RELN: variants seen among roughly 807,000 people sequenced by gnomAD.
RELN encodes reelin.
RELN carries 108 observed loss-of-function variants against 427.6 expected under a neutral mutation model. The ratio of observed to expected loss-of-function variants is 0.25; its 90% CI spans 0.22 to 0.30. The LOEUF (loss-of-function observed/expected upper bound fraction) is 0.30, where lower values mean the gene tolerates loss of function less well. Among genes scored for constraint, RELN ranks in the 10% least tolerant of loss-of-function variants. The pLI, the probability that RELN is intolerant of heterozygous loss-of-function variation, is 1.00. For synonymous variants in RELN, 1,524 were observed against 1,513.4 expected (o/e 1.01, Z -0.16); for missense variants, 3,715 against 4,302.8 (o/e 0.86, Z 3.82).
chr7:103,905,336 T>C (rs1795177233), intron 2 of RELN, among the ~76,000 whole-genome samples: 1 of 152,180 alleles, frequency 6.6e-6, no homozygotes, highest in Non-Finnish European at 1.5e-5. Context: ...CAAATATTAG[T>C]GTCTGCCACC....
chr7:103,843,278 C>T (rs905101400), intron 2 of RELN, among the ~76,000 whole-genome samples: 1 of 151,978 alleles, frequency 6.6e-6, no homozygotes, highest in African/African-American at 2.4e-5. Context: ...GATCACAGCT[C>T]ACTGCAGCCT....
chr7:103,605,603 G>T (rs943397275), intron 22 of RELN, among the ~76,000 whole-genome samples: 3 of 152,146 alleles, frequency 2.0e-5, no homozygotes, highest in African/African-American at 7.2e-5. Flanking sequence ...TTTGGTCAAA[G>T]GGCTAAATGA....
At chr7:103,617,576 A>G (rs900470976) in intron 20 of RELN, among the ~76,000 whole-genome samples, 2 of 150,442 alleles carry the variant, frequency 1.3e-5, no homozygotes, top group African/African-American at 5.0e-5. Context: ...ATGTGTGTAT[A>G]TATATTCCTT....
At position 103,626,961 on chromosome 7, in the gene RELN, G is replaced by A. The variant is rs1832342125; in HGVS notation, c.2702+2979C>T. The stretch of plus-strand genomic sequence containing the variant: ...TCTCCACTGGAAAAAAGTGCTCTAG[G>A]ATGACATACTGGAAAGTGATTTGTA... On this transcript the variant is annotated intron_variant, in intron 20 of 64. Coordinates refer to ENST00000428762, the MANE Select transcript of RELN (RefSeq NM_005045.4). This position sits in a 1 kb window ranked among gnomAD's most constrained non-coding sequence, Gnocchi z 4.4. Among the ~76,000 whole-genome samples the A allele has an allele frequency of 6.6e-6, 1 of 152,000 alleles. No individual in the cohort carries two copies. Among genetic ancestry groups the A allele is most frequent in the Non-Finnish European group, 1.5e-5 (1 of 67,942 alleles).
chr7:103,915,467 G>T (rs2299403), intron 2 of RELN, among the ~76,000 whole-genome samples: 35,580 of 151,954 alleles, frequency 0.23, 4,836 homozygotes, highest in African/African-American at 0.37. Flanking sequence ...CTGGAGTGTT[G>T]ATTTCAAAAA....
intron 1 of RELN, among the ~76,000 whole-genome samples, chr7:103,963,649 T>C (rs1182013340): frequency 2.0e-5 from 3 of 152,210 alleles, no homozygotes; most frequent in African/African-American, 7.2e-5. Context: ...ATTTGTTATA[T>C]CTGCATAGCA....
At chr7:103,731,179 G>C (rs1790344417) in intron 6 of RELN, among the ~76,000 whole-genome samples, 1 of 152,134 alleles carries the variant, frequency 6.6e-6, no homozygotes, top group African/African-American at 2.4e-5. Flanking sequence ...GGGGAAGTAA[G>C]AGAAAGCCTT....
chr7:103,749,649 C>A, intron 5 of RELN, 145 bp from the exon 6 acceptor site: 1 of 680,030 alleles, frequency 1.5e-6, no homozygotes. Context: ...TTTGCTTTGT[C>A]CCTCAAACTA....
At chr7:103,982,115 G>C (rs1377416775) in intron 1 of RELN, among the ~76,000 whole-genome samples, 1 of 152,014 alleles carries the variant, frequency 6.6e-6, no homozygotes, top group African/African-American at 2.4e-5. Context: ...ACAGTGAGCC[G>C]AAAAGGTGTC....
chr7:103,889,446 G>A (rs1293472366), intron 2 of RELN, among the ~76,000 whole-genome samples: 5 of 152,176 alleles, frequency 3.3e-5, no homozygotes, highest in African/African-American at 9.6e-5. Flanking sequence ...CATAACTCAC[G>A]GAAAGTGTGA....
chr7:103,493,371 G>A lies in RELN; in HGVS notation c.9370-1345C>T, dbSNP rs572136488. 2.2e-4 allele frequency among the ~76,000 whole-genome samples: 34 copies of A among 152,300 alleles called. 1 individual carries two copies. Among genetic ancestry groups the A allele is most frequent in the Admixed American group, 1.4e-3 (21 of 15,302 alleles). ...TTACTAGGTGATTGGTGGTGCCATC[G>A]ACAGAAACAGGAAAATCAGAGGAGT... On this transcript the variant is annotated intron_variant, in intron 57 of 64. Coordinates refer to ENST00000428762, the MANE Select transcript of RELN (RefSeq NM_005045.4).
chr7:103,937,579 T>C (rs1294358792), intron 1 of RELN, among the ~76,000 whole-genome samples: 1 of 152,218 alleles, frequency 6.6e-6, no homozygotes, highest in East Asian at 1.9e-4. Flanking sequence ...GAAACATTTA[T>C]GAAATGATGG....
chr7:103,572,414 A>G (rs1435997984), intron 30 of RELN, among the ~76,000 whole-genome samples, 154 bp from the exon 31 acceptor site: 1 of 152,252 alleles, frequency 6.6e-6, no homozygotes, highest in Non-Finnish European at 1.5e-5. Context: ...TACATAAATT[A>G]TAGTAAGTTA....
At chr7:103,637,752 A>C (rs55781035) in intron 17 of RELN, among the ~76,000 whole-genome samples, 322 of 152,048 alleles carry the variant, frequency 2.1e-3, no homozygotes, top group African/African-American at 7.3e-3. Context: ...GTTGTTTCCA[A>C]AAAAGAATTT....
chr7:103,804,769 C>A (rs2116321878), intron 3 of RELN, among the ~76,000 whole-genome samples: 1 of 152,134 alleles, frequency 6.6e-6, no homozygotes, highest in East Asian at 1.9e-4. Flanking sequence ...ATATTAGTTG[C>A]AAAAATAGGT....
chr7:103,650,579 T>A (rs1292269329), intron 15 of RELN, among the ~76,000 whole-genome samples, 196 bp from the exon 16 acceptor site: 1 of 152,178 alleles, frequency 6.6e-6, no homozygotes, highest in East Asian at 1.9e-4. Flanking sequence ...ATCCACGGTA[T>A]GCCAGAGCAA....
intron 46 of RELN, among the ~76,000 whole-genome samples, chr7:103,527,365 C>T (rs191185773): frequency 1.4e-4 from 21 of 152,316 alleles, no homozygotes; most frequent in Admixed American, 3.3e-4. Flanking sequence ...CTACCGAAGA[C>T]GACGATGACG....
At chr7:103,964,909 A>C (rs1045258161) in intron 1 of RELN, among the ~76,000 whole-genome samples, 3 of 152,182 alleles carry the variant, frequency 2.0e-5, no homozygotes, top group Admixed American at 6.5e-5. Flanking sequence ...GTTAGGTGAG[A>C]ATAACTTAGG....
At chr7:103,510,221 A>C (rs1284985713) in intron 51 of RELN, among the ~76,000 whole-genome samples, 1 of 152,242 alleles carries the variant, frequency 6.6e-6, no homozygotes, top group Non-Finnish European at 1.5e-5. Flanking sequence ...TCACAATAGC[A>C]AAGACTTGGA....
Sources: gnomAD v4.1 joint callset for allele counts (sites outside exome capture counted in the v4.1 genomes callset) on GRCh38, gnomAD v4.1.1 for gene constraint, Gnocchi (gnomAD v3.1) non-coding constraint, MANE v1.5 for transcripts, NCBI Gene and HGNC (gene_info 2026-07-23, HGNC 2026-07-21) for gene names.